The following ADAMTS14 variants were observed in gnomAD, a reference collection of about 807,000 sequenced individuals.
ADAMTS14 encodes A disintegrin and metalloproteinase with thrombospondin motifs 14.
Under a neutral mutation model 128.6 loss-of-function variants are expected in ADAMTS14, and 100 were observed. The ratio of observed to expected loss-of-function variants is 0.78; its 90% CI spans 0.66 to 0.92. The LOEUF (loss-of-function observed/expected upper bound fraction) is 0.92. ADAMTS14 is among the 40% of genes least tolerant of loss of function. The pLI is 0.00. For synonymous variants in ADAMTS14, 665 were observed against 653.8 expected (o/e 1.02, Z -0.26); for missense variants, 1,562 against 1,658.6 (o/e 0.94, Z 1.01).
intron 2 of ADAMTS14, among the ~76,000 whole-genome samples, chr10:70,675,591 C>G (rs899220690): frequency 6.6e-6 from 1 of 152,198 alleles, no homozygotes; most frequent in South Asian, 2.1e-4. Flanking sequence ...CCTCCCAGAG[C>G]CAGCCTGCTC....
chr10:70,725,243 G>T (rs1444646308), intron 4 of ADAMTS14, among the ~76,000 whole-genome samples: 10 of 152,126 alleles, frequency 6.6e-5, no homozygotes, highest in Non-Finnish European at 1.2e-4. Context: ...CTGCCAGCAG[G>T]AGACTTAAGG....
At chr10:70,739,133 C>T in intron 11 of ADAMTS14, 143 bp downstream of exon 11, 2 of 1,063,632 alleles carry the variant, frequency 1.9e-6, no homozygotes, top group Non-Finnish European at 2.6e-6. Context: ...AGGACACAAA[C>T]TTGTTGGTGG....
Position 70,677,829 on chromosome 10 carries a change from G to A in ADAMTS14, c.522+2834G>A, listed in dbSNP as rs374447920. 4.6e-5 allele frequency among the ~76,000 whole-genome samples: 7 copies of A among 152,338 alleles called. No homozygotes were observed. In the East Asian group the frequency reaches 9.6e-4, roughly 21 times the overall value. On this transcript the variant is annotated intron_variant, in intron 2 of 21. Transcript: ENST00000373207. ...CTGTGTCCCGTGACAGCAAGGGGCTGTGTCCCAGTGACCCAGCTGAGCTCA... is the reference window on the plus strand; with the variant it reads ...CTGTGTCCCGTGACAGCAAGGGGCTATGTCCCAGTGACCCAGCTGAGCTCA...
At chr10:70,673,212 TTC>T (rs1014558575) in intron 1 of ADAMTS14, among the ~76,000 whole-genome samples, 7 of 152,188 alleles carry the variant, frequency 4.6e-5, no homozygotes, top group African/African-American at 1.7e-4. Flanking sequence ...CTGTGTGTCT[TTC>T]TCTTTCAATG....
At chr10:70,759,129 T>TTTTTTTTTTTTTTTTTTTTTTGAG (rs1485675752) in intron 21 of ADAMTS14, among the ~76,000 whole-genome samples, 10 of 112,602 alleles carry the variant, frequency 8.9e-5, no homozygotes, top group Admixed American at 1.1e-4. Context: ...TCCAATCTTC[T>TTTTTTTTTTTTTTTTTTTTTTGAG]ACTTCTCTGC....
Position 70,733,909 on chromosome 10 carries a change from G to C in ADAMTS14, c.1233G>C (p.Gln411His). Residue 411 changes from glutamine to histidine, a missense_variant, in exon 8 of 22, where the codon CAG becomes CAC. By Grantham distance (24) the Gln-to-His change is conservative (BLOSUM62 0). Transcript: ENST00000373207. ...GGCTCGGCATGGAGCATGACGGTCA[G>C]GGGAATGGCTGTGCAGATGAGACCA... ...GHVLGMEHDG[Q>H]GNGCADETSL... The C allele has an allele frequency of 6.2e-7, 1 of 1,613,790 alleles. No individual in the cohort carries two copies.
chr10:70,678,951 C>A (rs553217655), intron 2 of ADAMTS14, among the ~76,000 whole-genome samples: 1 of 152,000 alleles, frequency 6.6e-6, no homozygotes, highest in Non-Finnish European at 1.5e-5. Flanking sequence ...CTTTGTCTTA[C>A]TTCCCACCCA....
chr10:70,709,626 A>G (rs937236962), intron 4 of ADAMTS14, among the ~76,000 whole-genome samples: 4 of 146,104 alleles, frequency 2.7e-5, no homozygotes, highest in African/African-American at 1.0e-4. Context: ...TCAGCCTCCC[A>G]AGTAGCTGGG....
At chr10:70,696,600 G>A (rs1840338773) in intron 2 of ADAMTS14, among the ~76,000 whole-genome samples, 1 of 152,100 alleles carries the variant, frequency 6.6e-6, no homozygotes, top group South Asian at 2.1e-4. Flanking sequence ...AGAGAGTATG[G>A]GTGTTTGCAA....
chr10:70,675,894 C>G (rs540326057), intron 2 of ADAMTS14, among the ~76,000 whole-genome samples: 1 of 152,288 alleles, frequency 6.6e-6, no homozygotes, highest in African/African-American at 2.4e-5. Flanking sequence ...GGCCCGCTTG[C>G]TCCTCTGCCC....
intron 4 of ADAMTS14, among the ~76,000 whole-genome samples, chr10:70,723,458 C>T (rs1564538805): frequency 6.6e-6 from 1 of 152,206 alleles, no homozygotes; most frequent in Non-Finnish European, 1.5e-5. Context: ...AAGATGTTAA[C>T]ATTTGGAATA....
chr10:70,692,982 G>T (rs563320429), intron 2 of ADAMTS14, among the ~76,000 whole-genome samples: 86 of 152,298 alleles, frequency 5.6e-4, no homozygotes, highest in African/African-American at 2.0e-3. Context: ...TCTGCAGGCT[G>T]TACCAGCATG....
intron 1 of ADAMTS14, among the ~76,000 whole-genome samples, chr10:70,673,461 C>G (rs1209892290): frequency 6.6e-6 from 1 of 152,166 alleles, no homozygotes; most frequent in Non-Finnish European, 1.5e-5. Flanking sequence ...CACTCCACTC[C>G]CGCCCTGCAG....
intron 12 of ADAMTS14, 52 bp downstream of exon 12, chr10:70,741,214 G>A: frequency 2.5e-6 from 4 of 1,584,132 alleles, no homozygotes; most frequent in Non-Finnish European, 2.6e-6. Flanking sequence ...ATCTGCGGGG[G>A]CTGTGTGTGC....
chr10:70,679,722 G>C (rs1839746902), intron 2 of ADAMTS14, among the ~76,000 whole-genome samples: 1 of 152,246 alleles, frequency 6.6e-6, no homozygotes, highest in African/African-American at 2.4e-5. Flanking sequence ...GTCAGGGCCT[G>C]GCGCGGAAGC....
chr10:70,728,443 A>G (rs1194598984), intron 4 of ADAMTS14, among the ~76,000 whole-genome samples: 3 of 152,222 alleles, frequency 2.0e-5, no homozygotes, highest in Non-Finnish European at 4.4e-5. Flanking sequence ...GTTATTTAAA[A>G]CAAAAAAGCT....
chr10:70,675,134 C>T, intron 2 of ADAMTS14, 139 bp downstream of exon 2: 3 of 1,016,110 alleles, frequency 3.0e-6, no homozygotes, highest in East Asian at 2.6e-5. Context: ...GTGCCGCCTG[C>T]CCCCGCGGGC....
intron 2 of ADAMTS14, among the ~76,000 whole-genome samples, chr10:70,688,852 AGGGGGAGGGGGAGGGGGAGGGGGAGGGG>A (rs1564521520): frequency 2.4e-3 from 11 of 4,536 alleles, no homozygotes; most frequent in African/African-American, 3.6e-3. Context: ...CCGGAGGGGG[AGGGGGAGGGGGAGGGGGAGGGGGAGGGG>A]GAGGGGGAGG....
Position 70,696,596 on chromosome 10 carries a change from T to C in ADAMTS14, c.523-5716T>C, listed in dbSNP as rs111358884. On this transcript the variant is annotated intron_variant, in intron 2 of 21. Coordinates refer to ENST00000373207, the MANE Select transcript of ADAMTS14 (RefSeq NM_080722.4). ...GATAGAGGGAAAGTGGGTGAGAGAG[T>C]ATGGGTGTTTGCAAGAGAATTATTG... Among the ~76,000 whole-genome samples the C allele has an allele frequency of 2.6e-3, 393 of 151,412 alleles. 2 individuals carry two copies. Among genetic ancestry groups the C allele is most frequent in the African/African-American group, 9.1e-3 (376 of 41,240 alleles).
Sources: gnomAD v4.1 joint callset for allele counts (sites outside exome capture counted in the v4.1 genomes callset) on GRCh38, gnomAD v4.1.1 for gene constraint, MANE v1.5 for transcripts, NCBI Gene and HGNC (gene_info 2026-07-23, HGNC 2026-07-21) for gene names.